The following DPH6 variants were observed in gnomAD, a reference collection of about 807,000 sequenced individuals.
DPH6 encodes the protein diphthamine biosynthesis 6.
In DPH6, 33 loss-of-function variants were observed where a neutral mutation model predicts 38.2. The observed-to-expected ratio is 0.86, with a 90% CI of 0.65 to 1.15. DPH6 has a LOEUF of 1.15. DPH6 is among the 50% of genes most tolerant of loss of function. The pLI is 0.00. For synonymous variants in DPH6, 108 were observed against 103.0 expected (o/e 1.05, Z -0.30); for missense variants, 325 against 320.0 (o/e 1.02, Z -0.12).
In DPH6 at chr15:35,280,896, T is replaced by C. The variant is rs79205329; in HGVS notation, n.201-60314A>G. ...ATCATTGTTGGACAGACAATTGACT[T>C]ACTTTTCTATGCTTTCTACTGGTGA... is the stretch of plus-strand genomic sequence containing the variant. On this transcript the variant is annotated intron_variant and non_coding_transcript_variant, in intron 3 of 3. Coordinates refer to the DPH6 transcript ENST00000560386. 5.9e-5 allele frequency among the ~76,000 whole-genome samples: 9 copies of C among 152,302 alleles called. No homozygotes were observed. In the East Asian group the frequency reaches 1.7e-3, roughly 29 times the overall value.
chr15:35,295,499 AACCACT>A (rs2052008689), intron 3 of DPH6, among the ~76,000 whole-genome samples: 1 of 152,172 alleles, frequency 6.6e-6, no homozygotes, highest in African/African-American at 2.4e-5. Context: ...TAGAAGTACA[AACCACT>A]ACCAGACTAC....
chr15:35,535,210 G>C (rs2055151470), intron 3 of DPH6, among the ~76,000 whole-genome samples: 1 of 151,996 alleles, frequency 6.6e-6, no homozygotes, highest in South Asian at 2.1e-4. Context: ...AGTTAACAGA[G>C]AACAAAAACA....
At chr15:35,184,025 G>C in the DPH6 span, among the ~76,000 whole-genome samples, 2 of 152,194 alleles carry the variant, frequency 1.3e-5, no homozygotes, top group Non-Finnish European at 2.9e-5. Context: ...GTCCACGACA[G>C]ATTTCTAGGA....
intron 3 of DPH6, among the ~76,000 whole-genome samples, chr15:35,333,257 A>G (rs1261578343): frequency 6.6e-6 from 1 of 152,212 alleles, no homozygotes; most frequent in Non-Finnish European, 1.5e-5. Context: ...ACCACGTAAA[A>G]TAACAGAAGT....
At chr15:35,373,132 T>C (rs574158779) in intron 8 of DPH6, among the ~76,000 whole-genome samples, 1 of 152,022 alleles carries the variant, frequency 6.6e-6, no homozygotes, top group South Asian at 2.1e-4. Flanking sequence ...ATTTCTCCTT[T>C]TCCTCTCTTA....
intron 3 of DPH6, among the ~76,000 whole-genome samples, chr15:35,361,336 C>T (rs1336451304): frequency 2.0e-5 from 3 of 152,112 alleles, no homozygotes; most frequent in African/African-American, 7.2e-5. Flanking sequence ...GCTGGGGAAC[C>T]TCATTTTCCA....
At chr15:35,453,322 A>C (rs1349041018) in intron 4 of DPH6, among the ~76,000 whole-genome samples, 1 of 152,096 alleles carries the variant, frequency 6.6e-6, no homozygotes, top group Non-Finnish European at 1.5e-5. Context: ...GCAGCCTCCT[A>C]ATCAGGAGCA....
downstream of DPH6, among the ~76,000 whole-genome samples, chr15:35,327,053 G>A (rs1006842811): frequency 1.3e-5 from 2 of 152,088 alleles, no homozygotes; most frequent in Non-Finnish European, 2.9e-5. Flanking sequence ...ATGAAGAAGT[G>A]AGCCATGCTA....
intron 3 of DPH6, among the ~76,000 whole-genome samples, chr15:35,461,687 A>G (rs937208171): frequency 2.6e-5 from 4 of 151,946 alleles, no homozygotes; most frequent in Non-Finnish European, 2.9e-5. Flanking sequence ...ATGGGTGGAG[A>G]ATGAAGGAAG....
At chr15:35,202,993 T>C in the DPH6 span, among the ~76,000 whole-genome samples, 1 of 151,722 alleles carries the variant, frequency 6.6e-6, no homozygotes, top group East Asian at 1.9e-4. Flanking sequence ...AAAAGATTGC[T>C]TCAGGGAAAA....
intron 3 of DPH6, among the ~76,000 whole-genome samples, chr15:35,350,126 T>TC (rs2052497213): frequency 6.6e-6 from 1 of 152,146 alleles, no homozygotes; most frequent in Non-Finnish European, 1.5e-5. Flanking sequence ...GTCTCCTTAC[T>TC]CGTTATTGGT....
intron 3 of DPH6, among the ~76,000 whole-genome samples, chr15:35,343,798 CTG>C (rs2052441186): frequency 6.6e-6 from 1 of 151,824 alleles, no homozygotes; most frequent in Admixed American, 6.6e-5. Context: ...TGTAGAAAAA[CTG>C]TAAAAATATG....
intron 5 of DPH6, among the ~76,000 whole-genome samples, 186 bp downstream of exon 5, chr15:35,450,499 T>C (rs2053918439): frequency 6.6e-6 from 1 of 150,814 alleles, no homozygotes; most frequent in Admixed American, 6.6e-5. Flanking sequence ...CTTCGGCAAA[T>C]GGTCAAAAGA....
rs2052715285 is a variant in DPH6, at chr15:35,371,734, CTAAA to C, written c.*412_*415del. ...CACCCAGTAGAATAAGCTTGACTGG[CTAAA>C]TAAAGTGACCATCTTTTCATCTTCA... On this transcript the variant is annotated 3_prime_UTR_variant, in exon 9 of 9. Coordinates refer to ENST00000256538, the MANE Select transcript of DPH6 (RefSeq NM_080650.4). The C allele has an allele frequency of 2.0e-6, 2 of 987,706 alleles. No individual in the cohort carries two copies. Among genetic ancestry groups the C allele is most frequent in the African/African-American group, 3.5e-5 (2 of 57,190 alleles). 61.2% of individuals were successfully genotyped at this position (987,706 alleles called of 1,614,324 possible).
the DPH6 span, among the ~76,000 whole-genome samples, chr15:35,161,549 AC>A: frequency 6.6e-6 from 1 of 151,956 alleles, no homozygotes; most frequent in East Asian, 1.9e-4. Flanking sequence ...ATATGTTGAA[AC>A]GCTAATCTCC....
At chr15:35,372,321 A>G (rs1318848004) in intron 8 of DPH6, 118 bp from the exon 9 acceptor site, 3 of 858,868 alleles carry the variant, frequency 3.5e-6, no homozygotes, top group Non-Finnish European at 3.2e-6. Flanking sequence ...TTCGCAGCCT[A>G]TTTCAGGTAA....
intron 3 of DPH6, among the ~76,000 whole-genome samples, chr15:35,316,351 CAT>C (rs1337022833): frequency 2.0e-5 from 3 of 151,964 alleles, no homozygotes; most frequent in Non-Finnish European, 2.9e-5. Context: ...TTAAAAAAGA[CAT>C]GTGATTAATA....
intron 6 of DPH6, among the ~76,000 whole-genome samples, chr15:35,386,733 GGAT>G (rs1359502991): frequency 6.6e-6 from 1 of 151,572 alleles, no homozygotes; most frequent in African/African-American, 2.4e-5. Context: ...TGTAGATTCT[GGAT>G]ATTAGCCCTT....
chr15:35,328,078 T>C (rs1218777562), downstream of DPH6, among the ~76,000 whole-genome samples: 1 of 152,148 alleles, frequency 6.6e-6, no homozygotes, highest in Non-Finnish European at 1.5e-5. Flanking sequence ...CATCAAAACT[T>C]CCATGTACTT....
Sources: allele counts gnomAD v4.1 joint callset (sites outside exome capture counted in the v4.1 genomes callset), GRCh38; gene constraint gnomAD v4.1.1; transcripts MANE v1.5; gene names NCBI Gene and HGNC (gene_info 2026-07-23, HGNC 2026-07-21).